NAALADL2: variants seen among roughly 807,000 people sequenced by gnomAD.
The protein encoded by NAALADL2 is inactive N-acetylated-alpha-linked acidic dipeptidase-like protein 2.
A neutral mutation model predicts 87.2 loss-of-function variants in NAALADL2; 76 were observed. The observed-to-expected ratio is 0.87, with a 90% CI of 0.72 to 1.05. The LOEUF is 1.05. Ranked by LOEUF, NAALADL2 falls within the 50% of genes least tolerant of loss-of-function variation. The probability of loss-of-function intolerance (pLI) is 0.00; values close to 1 mark genes in which losing one functional copy is unlikely to be tolerated. For synonymous variants in NAALADL2, 354 were observed against 331.0 expected, an observed-to-expected ratio of 1.07 and a Z score of -0.75; for missense variants, 1,089 against 945.8, an observed-to-expected ratio of 1.15 and a Z score of -1.99.
chr3:174,833,606 A>G (rs1341424620), intron 3 of NAALADL2, among the ~76,000 whole-genome samples: 1 of 152,086 alleles, frequency 6.6e-6, no homozygotes, highest in African/African-American at 2.4e-5. Context: ...AAACTTCCAG[A>G]AAAAAACTAT....
At chr3:175,206,828 A>C (rs1472538774) in intron 2 of NAALADL2, among the ~76,000 whole-genome samples, 1 of 152,172 alleles carries the variant, frequency 6.6e-6, no homozygotes, top group Non-Finnish European at 1.5e-5. Flanking sequence ...TAATCCTTCC[A>C]ATCTGTTTAG....
chr3:175,707,401 T>G (rs1026237230), intron 11 of NAALADL2, among the ~76,000 whole-genome samples: 1 of 152,178 alleles, frequency 6.6e-6, no homozygotes, highest in Non-Finnish European at 1.5e-5. Flanking sequence ...TCTTAACGCA[T>G]GAGCCATACA....
chr3:174,726,231 A>G (rs1732168642), intron 2 of NAALADL2, among the ~76,000 whole-genome samples: 1 of 152,126 alleles, frequency 6.6e-6, no homozygotes, highest in Non-Finnish European at 1.5e-5. Context: ...AACCAAGTGG[A>G]AAAGTTAATA....
chr3:174,794,775 A>G (rs1255433898), intron 3 of NAALADL2, among the ~76,000 whole-genome samples: 1 of 152,138 alleles, frequency 6.6e-6, no homozygotes, highest in Non-Finnish European at 1.5e-5. Context: ...TCTGAGTCTT[A>G]GCACTATAAG....
intron 9 of NAALADL2, among the ~76,000 whole-genome samples, chr3:175,516,599 C>T (rs1271648338): frequency 6.6e-6 from 1 of 152,060 alleles, no homozygotes; most frequent in Non-Finnish European, 1.5e-5. Context: ...AACTTATTTG[C>T]CAATTATTGT....
intron 13 of NAALADL2, among the ~76,000 whole-genome samples, chr3:175,761,903 T>A (rs1380934435): frequency 4.6e-5 from 7 of 152,188 alleles, no homozygotes; most frequent in Admixed American, 4.6e-4. Flanking sequence ...ACACCAATCC[T>A]CTATTAGGTA....
chr3:175,469,300 T>G (rs1354692634), intron 8 of NAALADL2, among the ~76,000 whole-genome samples: 1 of 152,082 alleles, frequency 6.6e-6, no homozygotes, highest in East Asian at 1.9e-4. Flanking sequence ...CTAGTTGTCC[T>G]GTTTTGCCTA....
chr3:175,413,825 TAATAA>T (rs921847420), intron 5 of NAALADL2, among the ~76,000 whole-genome samples: 4 of 151,958 alleles, frequency 2.6e-5, no homozygotes, highest in Admixed American at 6.6e-5. Context: ...TTATTTTAAT[TAATAA>T]AATAAAATAA....
At chr3:175,257,835 A>T (rs1581152125) in intron 4 of NAALADL2, among the ~76,000 whole-genome samples, 1 of 152,194 alleles carries the variant, frequency 6.6e-6, no homozygotes, top group Admixed American at 6.5e-5. Context: ...ATTATTGCCT[A>T]TGAAGGTAAC....
chr3:174,782,559 A>ATT (rs1451708221), intron 3 of NAALADL2, among the ~76,000 whole-genome samples: 5 of 152,092 alleles, frequency 3.3e-5, no homozygotes, highest in Non-Finnish European at 7.4e-5. Context: ...GACTCACCAA[A>ATT]TTGAGCAATA....
chr3:175,182,815 C>T (rs114269160), intron 2 of NAALADL2, among the ~76,000 whole-genome samples: 204 of 151,896 alleles, frequency 1.3e-3, no homozygotes, highest in African/African-American at 4.8e-3. Context: ...ATTGCCTAGA[C>T]CAATGTCATG....
intron 3 of NAALADL2, among the ~76,000 whole-genome samples, chr3:174,820,487 CAGTG>C (rs1721301310): frequency 6.6e-6 from 1 of 152,078 alleles, no homozygotes; most frequent in Non-Finnish European, 1.5e-5. Context: ...GTCCTATAAA[CAGTG>C]AGTATATCTA....
At chr3:174,839,833 A>C (rs1321818366) in intron 3 of NAALADL2, among the ~76,000 whole-genome samples, 5 of 151,190 alleles carry the variant, frequency 3.3e-5, no homozygotes, top group African/African-American at 1.2e-4. Flanking sequence ...CATAATAAAA[A>C]AAAAATAATA....
At chr3:175,311,626 C>G (rs1306215311) in intron 4 of NAALADL2, among the ~76,000 whole-genome samples, 1 of 149,754 alleles carries the variant, frequency 6.7e-6, no homozygotes, top group Non-Finnish European at 1.5e-5. Flanking sequence ...CTTCTTCCCT[C>G]CCTCCCTTTA....
chr3:175,339,050 C>G (rs959179766), intron 5 of NAALADL2, among the ~76,000 whole-genome samples: 2 of 152,224 alleles, frequency 1.3e-5, no homozygotes, highest in Non-Finnish European at 2.9e-5. Flanking sequence ...TCTGGCAATA[C>G]AGCAGAACCC....
At chr3:174,654,309 T>C (rs540945) in intron 2 of NAALADL2, among the ~76,000 whole-genome samples, 19 of 152,144 alleles carry the variant, frequency 1.2e-4, no homozygotes, top group African/African-American at 4.1e-4. Flanking sequence ...AAATGACATT[T>C]GACTTTTCAA....
intron 1 of NAALADL2, among the ~76,000 whole-genome samples, chr3:174,865,381 G>T (rs11922249): frequency 0.11 from 17,437 of 151,928 alleles, 1,094 homozygotes; most frequent in Middle Eastern, 0.15. Flanking sequence ...TCTGAGATCT[G>T]ATTAAACTGC....
rs1560417055 is a variant in NAALADL2, at chr3:174,962,379, T to TATATATATGTCATAGTGACTATGAC, written c.43+102937_43+102938insGTCATAGTGACTATGACATATATAT. Among the ~76,000 whole-genome samples the TATATATATGTCATAGTGACTATGAC allele has an allele frequency of 1.1e-3, 114 of 102,578 alleles. 15 individuals are homozygous for TATATATATGTCATAGTGACTATGAC. Among genetic ancestry groups the TATATATATGTCATAGTGACTATGAC allele is most frequent in the African/African-American group, 8.5e-3 (108 of 12,762 alleles). The allele number at this position is 102,578 out of a possible 152,430, so 67.3% of individuals were successfully genotyped here. A position where few individuals can be genotyped will look rare whatever the true frequency, so the allele number is the denominator to read the frequency against. ...TGTCATAGTGACTATGACATATATATATATATATATATATATGTCATAGTG... is the reference window on the plus strand; with the variant it reads ...TGTCATAGTGACTATGACATATATATATATATATGTCATAGTGACTATGACATATATATATATATATGTCATAGTG... On this transcript the variant is annotated intron_variant, in intron 1 of 13. Transcript: ENST00000454872.
chr3:174,796,532 A>C (rs1485605729), intron 3 of NAALADL2, among the ~76,000 whole-genome samples: 2 of 151,586 alleles, frequency 1.3e-5, no homozygotes, highest in Non-Finnish European at 2.9e-5. Flanking sequence ...ACTTCCATCC[A>C]TGTTGTGCTA....
Sources: gnomAD v4.1 joint callset for allele counts (sites outside exome capture counted in the v4.1 genomes callset) on GRCh38, gnomAD v4.1.1 for gene constraint, MANE v1.5 for transcripts, NCBI Gene and HGNC (gene_info 2026-07-23, HGNC 2026-07-21) for gene names.